NEDD4L: variants seen among roughly 807,000 people sequenced by gnomAD.
The protein encoded by NEDD4L is NEDD4 like E3 ubiquitin protein ligase, also known as E3 ubiquitin-protein ligase NEDD4-like.
Under a neutral mutation model 148.9 loss-of-function variants are expected in NEDD4L, and 54 were observed. That is an observed-to-expected ratio of 0.36 (90% CI 0.29 to 0.45). NEDD4L has a LOEUF of 0.45. NEDD4L is among the 20% of genes least tolerant of loss of function. The pLI, the probability that NEDD4L is intolerant of heterozygous loss-of-function variation, is 1.00. For synonymous variants in NEDD4L, 433 were observed against 440.7 expected (o/e 0.98, Z 0.22); for missense variants, 856 against 1,233.8 (o/e 0.69, Z 4.59).
At chr18:58,349,663 TA>T (rs2043617105) in intron 17 of NEDD4L, 49 bp downstream of exon 17, 1 of 1,426,614 alleles carries the variant, frequency 7.0e-7, no homozygotes, top group East Asian at 2.3e-5. Context: ...TGTGTTCCTT[TA>T]TCCGCTCAAT....
chr18:58,221,246 A>G (rs1424021286), intron 2 of NEDD4L, among the ~76,000 whole-genome samples: 1 of 152,090 alleles, frequency 6.6e-6, no homozygotes, highest in East Asian at 1.9e-4. Flanking sequence ...AAATGCCAAA[A>G]TCTCTGATCT....
At chr18:58,305,288 A>G (rs530057415) in intron 5 of NEDD4L, among the ~76,000 whole-genome samples, 2 of 152,220 alleles carry the variant, frequency 1.3e-5, no homozygotes, top group Non-Finnish European at 2.9e-5. Context: ...TTTGTGAACA[A>G]GGAAAACGGG....
At chr18:58,272,804 GC>G (rs1289787088) in intron 5 of NEDD4L, among the ~76,000 whole-genome samples, 1 of 152,204 alleles carries the variant, frequency 6.6e-6, no homozygotes, top group Non-Finnish European at 1.5e-5. Flanking sequence ...TTCTAGAGAT[GC>G]AAGTAGTACA....
At chr18:58,370,324 T>C (rs944012415) in intron 22 of NEDD4L, 73 bp from the exon 23 acceptor site, 9 of 913,828 alleles carry the variant, frequency 9.8e-6, no homozygotes, top group African/African-American at 1.6e-5. Context: ...AGCAGGTTAA[T>C]CTTTTCTTTC....
Position 58,178,917 on chromosome 18 carries a change from C to T in NEDD4L, c.122+13056C>T, listed in dbSNP as rs148052091. ...AGAGAAACATGTGGAAGAAATACTG[C>T]GTTTCAAGTTTGGGAGTGGCTGGTA... is the stretch of plus-strand genomic sequence containing the variant. On this transcript the variant is annotated intron_variant, in intron 2 of 30. Coordinates refer to ENST00000400345, the MANE Select transcript of NEDD4L (RefSeq NM_001144967.3). 9.7e-3 allele frequency among the ~76,000 whole-genome samples: 1,483 copies of T among 152,282 alleles called. 10 individuals are homozygous for T. Among genetic ancestry groups the T allele is most frequent in the Middle Eastern group, 0.017 (5 of 294 alleles).
At chr18:58,208,794 G>A (rs2042221468) in intron 2 of NEDD4L, among the ~76,000 whole-genome samples, 1 of 152,148 alleles carries the variant, frequency 6.6e-6, no homozygotes, top group Non-Finnish European at 1.5e-5. Context: ...TAACAGAGCT[G>A]TATATCAAGC....
intron 10 of NEDD4L, among the ~76,000 whole-genome samples, chr18:58,329,944 A>T (rs2059660844): frequency 6.6e-6 from 1 of 152,168 alleles, no homozygotes. Context: ...TTTGGGTATC[A>T]TATGCATATT....
chr18:58,131,127 G>T (rs1568260827), intron 1 of NEDD4L, among the ~76,000 whole-genome samples: 1 of 145,282 alleles, frequency 6.9e-6, no homozygotes, highest in Admixed American at 6.9e-5. Context: ...GCAGTGTTGG[G>T]CTCTGGATTT....
At chr18:58,245,897 C>T (rs2047210984) in intron 3 of NEDD4L, among the ~76,000 whole-genome samples, 1 of 144,664 alleles carries the variant, frequency 6.9e-6, no homozygotes. Flanking sequence ...AGGGTTTCAC[C>T]ATGTTGGCCA....
intron 5 of NEDD4L, among the ~76,000 whole-genome samples, chr18:58,271,437 A>G (rs1023422567): frequency 6.6e-6 from 1 of 152,186 alleles, no homozygotes; most frequent in Non-Finnish European, 1.5e-5. Context: ...TTAAAGGCCA[A>G]ACCAAGATCA....
At chr18:58,066,853 C>T (rs1170587651) in intron 1 of NEDD4L, among the ~76,000 whole-genome samples, 3 of 152,068 alleles carry the variant, frequency 2.0e-5, no homozygotes, top group Non-Finnish European at 4.4e-5. Flanking sequence ...CACAGACTCA[C>T]TATCACGAGA....
At chr18:58,372,214 G>A (rs2046972747) in intron 23 of NEDD4L, 1 of 152,072 alleles carries the variant, frequency 6.6e-6, no homozygotes, top group African/African-American at 2.4e-5. Flanking sequence ...CCTGGCACAA[G>A]TGATCCTCCT....
At chr18:58,286,031 A>G (rs1405843751) in intron 5 of NEDD4L, among the ~76,000 whole-genome samples, 1 of 152,194 alleles carries the variant, frequency 6.6e-6, no homozygotes, top group African/African-American at 2.4e-5. Context: ...GATGCATTTC[A>G]GAATATTAGA....
intron 1 of NEDD4L, among the ~76,000 whole-genome samples, chr18:58,056,953 G>A (rs910213040): frequency 3.4e-5 from 5 of 147,782 alleles, no homozygotes; most frequent in African/African-American, 1.2e-4. Flanking sequence ...GAAAGAGAAC[G>A]GCCTCCTGTG....
intron 19 of NEDD4L, among the ~76,000 whole-genome samples, chr18:58,357,917 T>C (rs766841796): frequency 1.3e-5 from 2 of 152,196 alleles, no homozygotes; most frequent in Non-Finnish European, 2.9e-5. Flanking sequence ...GTCTGTAGAA[T>C]GGGACCACAC....
At chr18:58,199,469 C>T (rs1376260094) in intron 2 of NEDD4L, among the ~76,000 whole-genome samples, 2 of 152,138 alleles carry the variant, frequency 1.3e-5, no homozygotes, top group Non-Finnish European at 2.9e-5. Flanking sequence ...AGCGTCGGTA[C>T]TGGTTGACCG....
intron 26 of NEDD4L, among the ~76,000 whole-genome samples, chr18:58,386,562 C>T (rs931083563): frequency 1.3e-5 from 2 of 152,206 alleles, no homozygotes; most frequent in Non-Finnish European, 2.9e-5. Flanking sequence ...CTCCCAGGCC[C>T]CTAGCAGTGG....
intron 2 of NEDD4L, among the ~76,000 whole-genome samples, chr18:58,201,115 T>C (rs912042936): frequency 3.3e-5 from 5 of 152,288 alleles, no homozygotes; most frequent in African/African-American, 1.2e-4. Context: ...GGCAGATCAC[T>C]TGAGGTCAGG....
chr18:58,264,770 G>C (rs1658333074), intron 5 of NEDD4L, among the ~76,000 whole-genome samples: 1 of 152,040 alleles, frequency 6.6e-6, no homozygotes, highest in South Asian at 2.1e-4. Context: ...TTGAACACTA[G>C]AACTTACTCC....
Sources: allele counts gnomAD v4.1 joint callset (sites outside exome capture counted in the v4.1 genomes callset), GRCh38; gene constraint gnomAD v4.1.1; transcripts MANE v1.5; gene names NCBI Gene and HGNC (gene_info 2026-07-23, HGNC 2026-07-21).